Variants in MLLT10 observed in about 807,000 individuals in gnomAD.
The protein encoded by MLLT10 is MLLT10 histone lysine methyltransferase DOT1L cofactor, also known as protein AF-10.
Under a neutral mutation model 129.1 loss-of-function variants are expected in MLLT10, and 30 were observed. That is an observed-to-expected ratio of 0.23 (90% CI 0.17 to 0.32). The LOEUF (loss-of-function observed/expected upper bound fraction) is 0.32, where lower values mean the gene tolerates loss of function less well. Among genes scored for constraint, MLLT10 ranks in the 10% least tolerant of loss-of-function variants. The pLI is 1.00. For missense variants in MLLT10, 1,119 were observed against 1,268.3 expected (o/e 0.88, Z 1.79); for synonymous variants, 490 against 446.4 (o/e 1.10, Z -1.23).
intron 4 of MLLT10, among the ~76,000 whole-genome samples, chr10:21,593,250 G>A (rs767435706): frequency 1.3e-5 from 2 of 151,862 alleles, no homozygotes; most frequent in African/African-American, 4.8e-5. Flanking sequence ...GCATGCTGCC[G>A]CACCTGACTC....
chr10:21,609,262 G>A (rs2131182276), intron 5 of MLLT10, among the ~76,000 whole-genome samples: 1 of 152,242 alleles, frequency 6.6e-6, no homozygotes, highest in Middle Eastern at 3.4e-3. Flanking sequence ...TTGTTGTTTA[G>A]ACACTATTTT....
intron 3 of MLLT10, among the ~76,000 whole-genome samples, chr10:21,579,833 G>GA (rs746536887): frequency 4.6e-5 from 7 of 151,970 alleles, no homozygotes; most frequent in Non-Finnish European, 1.0e-4. Context: ...AAAGTGCTGG[G>GA]ATTACAGGTG....
chr10:21,717,994 G>A (rs189144638), intron 14 of MLLT10, among the ~76,000 whole-genome samples: 23 of 149,102 alleles, frequency 1.5e-4, no homozygotes, highest in African/African-American at 3.7e-4. Context: ...ACAGGTGCCC[G>A]CCACCACGCC....
chr10:21,551,869 A>C (rs2037104550), intron 3 of MLLT10: 1 of 363,010 alleles, frequency 2.8e-6, no homozygotes, highest in Non-Finnish European at 5.3e-6. Flanking sequence ...ATCTCAGCCC[A>C]CTGCAACCTC....
At chr10:21,585,586 C>T (rs911646618) in intron 3 of MLLT10, among the ~76,000 whole-genome samples, 1 of 152,158 alleles carries the variant, frequency 6.6e-6, no homozygotes, top group African/African-American at 2.4e-5. Context: ...TACTTGACGG[C>T]AGTCGTCCTA....
Position 21,567,058 on chromosome 10 carries a change from C to T in MLLT10, c.241-19236C>T, listed in dbSNP as rs149368882. Among the ~76,000 whole-genome samples, 624 of 152,214 alleles carry T rather than the reference C, an allele frequency of 4.1e-3. 3 individuals are homozygous for T. Among genetic ancestry groups the T allele is most frequent in the African/African-American group, 0.014 (580 of 41,516 alleles). On this transcript the variant is annotated intron_variant, in intron 3 of 22. Coordinates refer to ENST00000307729, the MANE Select transcript of MLLT10 (RefSeq NM_001195626.3). Reference sequence around the variant, plus strand: ...GAACTTCCGACTTGAGGTGATCCACCCACCTCGGCCTCCCAAAGTGATGGG... The same window carrying T: ...GAACTTCCGACTTGAGGTGATCCACTCACCTCGGCCTCCCAAAGTGATGGG...
chr10:21,585,130 C>T (rs2041875674), intron 3 of MLLT10, among the ~76,000 whole-genome samples: 1 of 151,814 alleles, frequency 6.6e-6, no homozygotes, highest in African/African-American at 2.4e-5. Flanking sequence ...TGCCGTGTCG[C>T]CCAGGCTGGT....
chr10:21,646,513 G>A (rs542118566), intron 8 of MLLT10, among the ~76,000 whole-genome samples: 1 of 150,808 alleles, frequency 6.6e-6, no homozygotes, highest in Non-Finnish European at 1.5e-5. Flanking sequence ...TGTTTTTTTG[G>A]GGGGGTAGAT....
chr10:21,724,535 G>T (rs1326376938), intron 14 of MLLT10, among the ~76,000 whole-genome samples: 6 of 152,144 alleles, frequency 3.9e-5, no homozygotes, highest in Non-Finnish European at 8.8e-5. Context: ...CAAGAGTTTT[G>T]TTCTGAAATA....
chr10:21,589,331 T>G (rs186200096), intron 4 of MLLT10, among the ~76,000 whole-genome samples: 11 of 151,940 alleles, frequency 7.2e-5, no homozygotes, highest in East Asian at 1.9e-4. Context: ...AAAGTTTTTT[T>G]TTTTTTTTTT....
intron 3 of MLLT10, among the ~76,000 whole-genome samples, chr10:21,570,179 G>A (rs1026910038): frequency 2.0e-5 from 3 of 152,100 alleles, no homozygotes; most frequent in African/African-American, 7.2e-5. Flanking sequence ...AAAGTGCTGG[G>A]ATTACAGGCG....
chr10:21,562,325 GTTTT>G (rs923493920), intron 3 of MLLT10, among the ~76,000 whole-genome samples: 1 of 146,006 alleles, frequency 6.8e-6, no homozygotes, highest in Non-Finnish European at 1.5e-5. Context: ...TTTTATTTTT[GTTTT>G]TTTATTTATT....
At chr10:21,658,087 C>G (rs925952809) in intron 9 of MLLT10, among the ~76,000 whole-genome samples, 2 of 152,046 alleles carry the variant, frequency 1.3e-5, no homozygotes, top group Non-Finnish European at 2.9e-5. Flanking sequence ...GAAATACACA[C>G]AATCTTAGGA....
At chr10:21,695,180 G>A (rs754653236) in intron 13 of MLLT10, among the ~76,000 whole-genome samples, 1 of 148,436 alleles carries the variant, frequency 6.7e-6, no homozygotes, top group Non-Finnish European at 1.5e-5. Context: ...AGCGATTCTC[G>A]TGCTTCAGCC....
intron 14 of MLLT10, among the ~76,000 whole-genome samples, chr10:21,724,213 C>T (rs1263178359): frequency 6.6e-6 from 1 of 152,192 alleles, no homozygotes; most frequent in African/African-American, 2.4e-5. Flanking sequence ...ATTTAATTTA[C>T]ACATTAAAGT....
At chr10:21,681,767 T>C (rs182054942) in intron 12 of MLLT10, among the ~76,000 whole-genome samples, 5 of 152,294 alleles carry the variant, frequency 3.3e-5, no homozygotes, top group African/African-American at 1.2e-4. Flanking sequence ...GAGGCTTTCT[T>C]ATACTGAAGT....
intron 7 of MLLT10, among the ~76,000 whole-genome samples, chr10:21,615,721 G>C (rs1352919856): frequency 6.6e-6 from 1 of 151,898 alleles, no homozygotes; most frequent in Non-Finnish European, 1.5e-5. Flanking sequence ...TTTGTAACTT[G>C]CTTAAAAACC....
At chr10:21,595,543 G>T (rs1475026137) in intron 5 of MLLT10, 103 bp downstream of exon 5, 7 of 830,686 alleles carry the variant, frequency 8.4e-6, no homozygotes, top group Middle Eastern at 2.5e-4. Context: ...AATCCAGGGA[G>T]ATTTGGAAAA....
chr10:21,715,318 C>G (rs190658028), intron 14 of MLLT10, among the ~76,000 whole-genome samples: 5 of 152,288 alleles, frequency 3.3e-5, no homozygotes, highest in Admixed American at 1.3e-4. Flanking sequence ...TTAGTAGTAT[C>G]GTCTTTGAAG....
Sources: gnomAD v4.1 joint callset for allele counts (sites outside exome capture counted in the v4.1 genomes callset) on GRCh38, gnomAD v4.1.1 for gene constraint, MANE v1.5 for transcripts, NCBI Gene and HGNC (gene_info 2026-07-23, HGNC 2026-07-21) for gene names.